Variants in TXNDC15 observed in about 807,000 individuals in gnomAD.
TXNDC15 encodes thioredoxin domain-containing protein 15.
A neutral mutation model predicts 35.0 loss-of-function variants in TXNDC15; 24 were observed. The ratio of observed to expected loss-of-function variants is 0.68; its 90% CI spans 0.50 to 0.96. The LOEUF (loss-of-function observed/expected upper bound fraction) is 0.96. Ranked by LOEUF, TXNDC15 falls within the 40% of genes least tolerant of loss-of-function variation. The pLI, the probability that TXNDC15 is intolerant of heterozygous loss-of-function variation, is 0.00. For synonymous variants in TXNDC15, 169 were observed against 174.0 expected, an observed-to-expected ratio of 0.97 and a Z score of 0.23; for missense variants, 385 against 453.3, an observed-to-expected ratio of 0.85 and a Z score of 1.37.
intron 1 of TXNDC15, among the ~76,000 whole-genome samples, chr5:134,884,273 A>C (rs139604663): frequency 0.027 from 3,935 of 145,732 alleles, 158 homozygotes; most frequent in African/African-American, 0.087. Context: ...CCCGAGACAG[A>C]GTTTTGCTCT....
At position 134,901,481 on chromosome 5, in the gene TXNDC15, T is replaced by C. The variant is rs991185072; in HGVS notation, c.*1796T>C. The C allele has an allele frequency of 2.6e-5, 4 of 152,268 alleles. No individual in the cohort carries two copies. Among genetic ancestry groups the C allele is most frequent in the African/African-American group, 9.6e-5 (4 of 41,464 alleles). 9.4% of individuals were successfully genotyped at this position (152,268 alleles called of 1,614,324 possible). A position where few individuals can be genotyped will look rare whatever the true frequency, so the allele number is the denominator to read the frequency against. ...AAGCTGGGATTTGAATCTTCACATG[T>C]GTGTACTTATAAATACAAATGTAAG... On this transcript the variant is annotated 3_prime_UTR_variant, in exon 5 of 5. Coordinates refer to ENST00000358387, the MANE Select transcript of TXNDC15 (RefSeq NM_024715.4).
At chr5:134,884,397 C>T (rs1561898372) in intron 1 of TXNDC15, among the ~76,000 whole-genome samples, 2 of 150,600 alleles carry the variant, frequency 1.3e-5, no homozygotes, top group Middle Eastern at 3.3e-3. Flanking sequence ...TACAAGCATG[C>T]GCCACCACGC....
At chr5:134,884,251 C>CT (rs1192746499) in intron 1 of TXNDC15, among the ~76,000 whole-genome samples, 56 of 139,374 alleles carry the variant, frequency 4.0e-4, no homozygotes, top group South Asian at 1.7e-3. Flanking sequence ...ACAATTTGAT[C>CT]TTTTTTTTTT....
At chr5:134,877,592 T>C (rs1007723472) in intron 1 of TXNDC15, among the ~76,000 whole-genome samples, 1 of 151,516 alleles carries the variant, frequency 6.6e-6, no homozygotes, top group Admixed American at 6.6e-5. Context: ...ATTGTGAATG[T>C]GTTTAGCAGG....
intron 4 of TXNDC15, among the ~76,000 whole-genome samples, chr5:134,898,574 T>C (rs1750539452): frequency 6.6e-6 from 1 of 152,038 alleles, no homozygotes; most frequent in Non-Finnish European, 1.5e-5. Context: ...CTGATAGGAG[T>C]AAAAGTAGGA....
chr5:134,885,081 C>T (rs1187409905), intron 1 of TXNDC15, among the ~76,000 whole-genome samples: 1 of 152,086 alleles, frequency 6.6e-6, no homozygotes, highest in African/African-American at 2.4e-5. Context: ...CGCCACCATG[C>T]ATGGCTAATT....
chr5:134,896,390 G>C lies in TXNDC15; in HGVS notation c.852G>C (p.Leu284=). The C allele has an allele frequency of 6.2e-7, 1 of 1,613,606 alleles. No homozygotes were observed. ...GATTTAATCATACAGATCGAACACT[G>C]GAAACACTGAAAATCTTCATTTTTA... is the stretch of plus-strand genomic sequence containing the variant. ...MARFNHTDRT[L]ETLKIFIFNQ... Residue 284 remains leucine, a synonymous_variant, in exon 4 of 5, where the codon CTG becomes CTC. Transcript: ENST00000358387.
chr5:134,886,628 C>T (rs986795509), intron 1 of TXNDC15, among the ~76,000 whole-genome samples: 2 of 152,248 alleles, frequency 1.3e-5, no homozygotes, highest in African/African-American at 4.8e-5. Context: ...GAGCCCATCT[C>T]CCAGCACTCC....
intron 1 of TXNDC15, among the ~76,000 whole-genome samples, chr5:134,879,263 T>C (rs1396198056): frequency 6.6e-6 from 1 of 152,208 alleles, no homozygotes; most frequent in Non-Finnish European, 1.5e-5. Context: ...ACATTCCCTT[T>C]TGATTTTGTG....
chr5:134,874,574 T>C (rs769548982), intron 1 of TXNDC15, 44 bp downstream of exon 1: 7 of 1,498,174 alleles, frequency 4.7e-6, no homozygotes, highest in African/African-American at 2.9e-5. Flanking sequence ...TGGGGCGAGC[T>C]GAGGTCCACC....
In TXNDC15 at chr5:134,887,707, G is replaced by A; in HGVS notation, c.116G>A (p.Ser39Asn). Residue 39 changes from serine (S) to asparagine (N), a missense_variant, in exon 2 of 5, where the codon AGT (serine) becomes AAT (asparagine). Physicochemically the swap from Ser to Asn is conservative, Grantham distance 46. Transcript: ENST00000358387. ...PVRGVEVAEESGRLWSEEQPA... is the reference protein window; with the variant it reads ...PVRGVEVAEENGRLWSEEQPA... ...TGGCATGTTTTAGTTGCAGAGGAAA[G>A]TGGTCGCTTATGGTCAGAGGAGCAG... 3 of 1,574,988 alleles carry A rather than the reference G, an allele frequency of 1.9e-6. No individual in the cohort carries two copies. The highest frequency in any genetic ancestry group is 2.6e-6 in the Non-Finnish European group (3 of 1,158,092).
At chr5:134,891,341 C>T (rs754631397) in intron 2 of TXNDC15, among the ~76,000 whole-genome samples, 22 of 152,184 alleles carry the variant, frequency 1.4e-4, no homozygotes, top group African/African-American at 5.3e-4. Context: ...CTCCTTGATT[C>T]ATGGGCTGCA....
chr5:134,885,741 A>C (rs1318665858), intron 1 of TXNDC15, among the ~76,000 whole-genome samples: 2 of 152,148 alleles, frequency 1.3e-5, no homozygotes, highest in African/African-American at 4.8e-5. Context: ...CAAGGCAGTA[A>C]GTTGGAGCAG....
In TXNDC15 at chr5:134,888,070, C is replaced by G; in HGVS notation, c.479C>G (p.Pro160Arg). Reference protein sequence around the residue: ...EPEVAESDAAPTEDSNNTESL... With the variant: ...EPEVAESDAARTEDSNNTESL... The stretch of plus-strand genomic sequence containing the variant: ...GAAGTGGCGGAATCTGACGCAGCCC[C>G]GACAGAGGACTCCAATAACACTGAA... The change falls in exon 2 of 5, where the codon CCG (proline) becomes CGG (arginine). Residue 160 changes from proline to arginine, a missense_variant. Physicochemically the swap from Pro to Arg is moderately radical, Grantham distance 103. Coordinates refer to ENST00000358387, the MANE Select transcript of TXNDC15 (RefSeq NM_024715.4). 2 of 1,614,116 alleles carry G rather than the reference C, an allele frequency of 1.2e-6. No homozygotes were observed. The highest frequency in any genetic ancestry group is 1.7e-6 in the Non-Finnish European group (2 of 1,180,028).
At chr5:134,889,140 T>A (rs1750337280) in intron 2 of TXNDC15, among the ~76,000 whole-genome samples, 1 of 152,228 alleles carries the variant, frequency 6.6e-6, no homozygotes, top group Non-Finnish European at 1.5e-5. Flanking sequence ...TCTGTGGGAC[T>A]CCCACAGGTG....
intron 1 of TXNDC15, chr5:134,875,200 A>T (rs1221975194): frequency 2.2e-6 from 1 of 456,172 alleles, no homozygotes; most frequent in Non-Finnish European, 4.4e-6. Context: ...TAGGGAAGGC[A>T]GCCACTCTAG....
At chr5:134,883,532 G>A (rs1389773795) in intron 1 of TXNDC15, among the ~76,000 whole-genome samples, 1 of 145,972 alleles carries the variant, frequency 6.9e-6, no homozygotes, top group Non-Finnish European at 1.5e-5. Flanking sequence ...GCTTGAACCC[G>A]GGAGGTGGTT....
Position 134,899,532 on chromosome 5 carries a change from A to C in TXNDC15, c.930A>C (p.Gln310His), listed in dbSNP as rs993858518. Residue 310 changes from glutamine (Q) to histidine (H), a missense_variant, in exon 5 of 5, where the codon CAA (glutamine) becomes CAC (histidine). Gln to His is a conservative substitution (Grantham distance 24, BLOSUM62 0). Transcript: ENST00000358387. Reference sequence around the variant, plus strand: ...ATGTGGTGGTAACTCAAGCCGACCAAATAGGCCCTCTTCCCAGCACTTTGA... The same window carrying C: ...ATGTGGTGGTAACTCAAGCCGACCACATAGGCCCTCTTCCCAGCACTTTGA... ...KKNVVVTQAD[Q>H]IGPLPSTLIK... 2 of 1,613,690 alleles carry C rather than the reference A, an allele frequency of 1.2e-6. No individual in the cohort carries two copies. Among genetic ancestry groups the C allele is most frequent in the Admixed American group, 1.7e-5 (1 of 59,902 alleles).
intron 1 of TXNDC15, among the ~76,000 whole-genome samples, chr5:134,877,607 A>AT (rs370746848): frequency 6.7e-4 from 99 of 147,290 alleles, no homozygotes; most frequent in African/African-American, 2.1e-3. Flanking sequence ...AGCAGGTGAA[A>AT]TTTTTTTTTT....
Sources: gnomAD v4.1 joint callset for allele counts (sites outside exome capture counted in the v4.1 genomes callset) on GRCh38, gnomAD v4.1.1 for gene constraint, MANE v1.5 for transcripts, NCBI Gene and HGNC (gene_info 2026-07-23, HGNC 2026-07-21) for gene names.